Variants in DHRS7B observed in about 807,000 individuals in gnomAD.
DHRS7B encodes the protein dehydrogenase/reductase 7B, also known as peroxisomal reductase activating PPAR-gamma.
Under a neutral mutation model 26.4 loss-of-function variants are expected in DHRS7B, and 24 were observed. That is an observed-to-expected ratio of 0.91 (90% CI 0.66 to 1.28). The LOEUF (loss-of-function observed/expected upper bound fraction) is 1.28. Among genes scored for constraint, DHRS7B ranks in the 50% most tolerant of loss-of-function variants. The pLI, the probability that DHRS7B is intolerant of heterozygous loss-of-function variation, is 0.00. For missense variants in DHRS7B, 368 were observed against 419.4 expected (o/e 0.88, Z 1.07); for synonymous variants, 142 against 166.4 (o/e 0.85, Z 1.13).
chr17:21,166,202 C>T (rs1974109947), intron 1 of DHRS7B: 1 of 985,476 alleles, frequency 1.0e-6, no homozygotes, highest in Non-Finnish European at 1.2e-6. Flanking sequence ...AATGTGGCTG[C>T]TCTTCCCAGG....
At chr17:21,141,056 CAG>C (rs1463380728) in intron 1 of DHRS7B, among the ~76,000 whole-genome samples, 1 of 152,084 alleles carries the variant, frequency 6.6e-6, no homozygotes, top group African/African-American at 2.4e-5. Context: ...TCTGTGACCT[CAG>C]AGAGGGCTCA....
At chr17:21,177,845 G>C (rs968298259) in intron 2 of DHRS7B, among the ~76,000 whole-genome samples, 1 of 152,212 alleles carries the variant, frequency 6.6e-6, no homozygotes. Context: ...AGTCTTGGCA[G>C]GGCACAGCAC....
chr17:21,127,336 A>G, intron 1 of DHRS7B: 1 of 287,994 alleles, frequency 3.5e-6, no homozygotes. Context: ...TTATTCCCAC[A>G]TTTCTGCGCG....
At chr17:21,151,116 A>G (rs1272911231) in intron 1 of DHRS7B, among the ~76,000 whole-genome samples, 2 of 152,222 alleles carry the variant, frequency 1.3e-5, no homozygotes, top group Non-Finnish European at 2.9e-5. Context: ...ATCAGATACA[A>G]GGGAACAACA....
At chr17:21,140,535 C>CACACACACCCTG (rs1555536404) in intron 1 of DHRS7B, among the ~76,000 whole-genome samples, 2 of 149,770 alleles carry the variant, frequency 1.3e-5, no homozygotes, top group East Asian at 4.0e-4. Flanking sequence ...CACACACACA[C>CACACACACCCTG]ACACCCTGAC....
intron 2 of DHRS7B, among the ~76,000 whole-genome samples, chr17:21,177,430 C>T (rs1403062126): frequency 6.6e-6 from 1 of 152,200 alleles, no homozygotes; most frequent in Non-Finnish European, 1.5e-5. Context: ...GTCTGACTAG[C>T]TTTGGACTGT....
intron 1 of DHRS7B, among the ~76,000 whole-genome samples, chr17:21,159,980 G>T (rs934412063): frequency 1.3e-5 from 2 of 152,086 alleles, no homozygotes; most frequent in Admixed American, 1.3e-4. Flanking sequence ...CAGCACTTTG[G>T]GAGGCTGACG....
intron 1 of DHRS7B, among the ~76,000 whole-genome samples, chr17:21,168,218 A>G (rs951725412): frequency 2.0e-5 from 3 of 152,226 alleles, no homozygotes; most frequent in Non-Finnish European, 4.4e-5. Flanking sequence ...AAAACTCTGG[A>G]AAGAGTCGGG....
At chr17:21,151,355 T>TA (rs956699512) in intron 1 of DHRS7B, among the ~76,000 whole-genome samples, 5 of 150,618 alleles carry the variant, frequency 3.3e-5, no homozygotes, top group Admixed American at 6.6e-5. Context: ...AATAAAAAAT[T>TA]AAAAAAAAAT....
intron 2 of DHRS7B, among the ~76,000 whole-genome samples, chr17:21,176,041 A>G (rs985738129): frequency 8.6e-5 from 13 of 152,008 alleles, no homozygotes; most frequent in African/African-American, 2.9e-4. Flanking sequence ...TCTGTCACCC[A>G]GGCTGGAGTA....
In DHRS7B at chr17:21,178,260, G is replaced by A. The variant is rs781185994; in HGVS notation, c.227G>A (p.Gly76Asp). ...KECAKVFYAA[G>D]AKLVLCGRNG... ...TGTGCAAAAGTCTTCTATGCTGCGG[G>A]TGCTAAACTGGTGCTCTGTGGCCGG... is the stretch of plus-strand genomic sequence containing the variant. The change falls in exon 3 of 7, where the codon GGT (glycine) becomes GAT (aspartate). Residue 76 changes from glycine to aspartate, a missense_variant. Physicochemically the swap from Gly to Asp is moderately conservative, Grantham distance 94. Transcript: ENST00000395511. 73 of 1,614,108 alleles carry A rather than the reference G, an allele frequency of 4.5e-5. No individual in the cohort carries two copies. The highest frequency in any genetic ancestry group is 5.8e-5 in the Non-Finnish European group (69 of 1,180,052).
chr17:21,183,535 A>C, intron 3 of DHRS7B, 59 bp from the exon 4 acceptor site: 1 of 1,498,394 alleles, frequency 6.7e-7, no homozygotes, highest in Non-Finnish European at 9.2e-7. Flanking sequence ...TCCGTGGGAC[A>C]CATAGCTCAG....
At chr17:21,140,479 T>TACACACACACACACACAC (rs4020775) in intron 1 of DHRS7B, among the ~76,000 whole-genome samples, 27 of 83,690 alleles carry the variant, frequency 3.2e-4, no homozygotes, top group Admixed American at 5.9e-4. Flanking sequence ...GCCTTTTAAA[T>TACACACACACACACACAC]ACACACACAC....
At chr17:21,170,574 AT>A (rs1216474742) in intron 1 of DHRS7B, among the ~76,000 whole-genome samples, 1 of 152,206 alleles carries the variant, frequency 6.6e-6, no homozygotes, top group Admixed American at 6.5e-5. Context: ...GGAAACTGTC[AT>A]TTTTACAGTC....
At position 21,184,369 on chromosome 17, in the gene DHRS7B, A is replaced by C; in HGVS notation, c.527-2A>C. 1 of 1,613,724 alleles carries C rather than the reference A, an allele frequency of 6.2e-7. No homozygotes were observed. Among genetic ancestry groups the C allele is most frequent in the Non-Finnish European group, 8.5e-7 (1 of 1,179,848 alleles). On this transcript the variant is annotated splice_acceptor_variant, in intron 4 of 6. Coordinates refer to ENST00000395511, the MANE Select transcript of DHRS7B (RefSeq NM_015510.5). LOFTEE classifies it high-confidence loss of function. ...TGCCTAAGCCTCTGCATCTGTCCTC[A>C]GCACTCCTGCCCTCCATGATCAAGA...
chr17:21,178,933 G>A (rs563723374), intron 3 of DHRS7B, among the ~76,000 whole-genome samples: 2 of 151,902 alleles, frequency 1.3e-5, no homozygotes, highest in South Asian at 2.1e-4. Context: ...GATTACAGGC[G>A]TGAGCCACCA....
intron 6 of DHRS7B, 71 bp from the exon 7 acceptor site, chr17:21,190,877 C>A: frequency 6.5e-7 from 1 of 1,537,774 alleles, no homozygotes; most frequent in Non-Finnish European, 8.9e-7. Flanking sequence ...TGACGACTCA[C>A]ATCAGCTCCA....
intron 1 of DHRS7B, among the ~76,000 whole-genome samples, chr17:21,164,223 G>T (rs981902807): frequency 2.0e-5 from 3 of 150,764 alleles, no homozygotes; most frequent in African/African-American, 7.4e-5. Flanking sequence ...TACAGACGGG[G>T]TCTCACTCTG....
intron 1 of DHRS7B, among the ~76,000 whole-genome samples, chr17:21,150,978 A>C (rs926996889): frequency 1.2e-4 from 19 of 152,234 alleles, no homozygotes; most frequent in Non-Finnish European, 2.2e-4. Context: ...ATTAATATAC[A>C]TATCCAAGAA....
Sources: gnomAD v4.1 joint callset for allele counts (sites outside exome capture counted in the v4.1 genomes callset) on GRCh38, gnomAD v4.1.1 for gene constraint, MANE v1.5 for transcripts, NCBI Gene and HGNC (gene_info 2026-07-23, HGNC 2026-07-21) for gene names.